GLRA3: variants seen among roughly 807,000 people sequenced by gnomAD.
GLRA3 encodes the protein glycine receptor alpha 3.
In GLRA3, 44 loss-of-function variants were observed where a neutral mutation model predicts 60.4. The observed-to-expected ratio is 0.73, with a 90% confidence interval of 0.57 to 0.94. The LOEUF (loss-of-function observed/expected upper bound fraction) is 0.94. Among genes scored for constraint, GLRA3 ranks in the 40% least tolerant of loss-of-function variants. The probability of loss-of-function intolerance (pLI) is 0.00; values close to 1 mark genes in which losing one functional copy is unlikely to be tolerated. For synonymous variants in GLRA3, 223 were observed against 192.9 expected (o/e 1.16, Z -1.29); for missense variants, 508 against 564.6 (o/e 0.90, Z 1.02).
rs10639932 is a variant in GLRA3 at position 174,721,007 on chromosome 4, T to TTGTGTGTGTG, written c.492-5447_492-5438dup. Among the ~76,000 whole-genome samples the TTGTGTGTGTG allele has an allele frequency of 4.5e-3, 640 of 141,540 alleles. 4 individuals carry two copies. The highest frequency in any genetic ancestry group is 9.0e-3 in the African/African-American group (354 of 39,224). 92.9% of individuals were successfully genotyped at this position (141,540 alleles called of 152,430 possible). Reference sequence around the variant, plus strand: ...TATGTTTTATAGAACTGTGTGAACTTTGTGTGTGTGTGTGTGTGTGTGTGT... The same window carrying TTGTGTGTGTG: ...TATGTTTTATAGAACTGTGTGAACTTTGTGTGTGTGTGTGTGTGTGTGTGTGTGTGTGTGT... On this transcript the variant is annotated intron_variant, in intron 4 of 9. Transcript: ENST00000274093.
rs191180030 is a variant in GLRA3 at position 174,696,703 on chromosome 4, A to C, written c.575-13764T>G. 1.3e-4 allele frequency among the ~76,000 whole-genome samples: 20 copies of C among 152,132 alleles called. No individual in the cohort carries two copies. In the East Asian group the frequency reaches 3.5e-3, roughly 26 times the overall value. On this transcript the variant is annotated intron_variant, in intron 5 of 9. Coordinates refer to ENST00000274093, the MANE Select transcript of GLRA3 (RefSeq NM_006529.4). ...AATGTTAATATGAGCTTGGTACAAAAATGTTTTTAAATTTACTGTATTTTT... is the reference window on the plus strand; with the variant it reads ...AATGTTAATATGAGCTTGGTACAAACATGTTTTTAAATTTACTGTATTTTT...
chr4:174,686,003 T>A (rs1238315105), intron 5 of GLRA3, among the ~76,000 whole-genome samples: 1 of 152,238 alleles, frequency 6.6e-6, no homozygotes, highest in African/African-American at 2.4e-5. Flanking sequence ...TAGTGGCTAA[T>A]ACAATTTATA....
chr4:174,651,839 G>T (rs899963825), intron 9 of GLRA3, among the ~76,000 whole-genome samples: 2 of 152,040 alleles, frequency 1.3e-5, no homozygotes, highest in Non-Finnish European at 2.9e-5. Context: ...AAAGAGTGCA[G>T]ATCATTTTGA....
chr4:174,728,341 T>A (rs1032672635), intron 4 of GLRA3, 134 bp downstream of exon 4: 4 of 576,476 alleles, frequency 6.9e-6, no homozygotes, highest in African/African-American at 5.6e-5. Flanking sequence ...TGGGAAACAG[T>A]CTATTAGAGG....
chr4:174,773,419 T>C (rs6836421), intron 2 of GLRA3, among the ~76,000 whole-genome samples: 111,373 of 151,516 alleles, frequency 0.74, 41,266 homozygotes, highest in East Asian at 1. Context: ...ATTATTGTTA[T>C]TCATATTGGG....
intron 5 of GLRA3, among the ~76,000 whole-genome samples, chr4:174,687,075 C>T (rs142611288): frequency 3.9e-5 from 6 of 152,158 alleles, no homozygotes; most frequent in African/African-American, 1.4e-4. Flanking sequence ...TCAACATTTG[C>T]CCTGATGTTG....
At chr4:174,680,638 A>G in intron 6 of GLRA3, among the ~76,000 whole-genome samples, 1 of 152,168 alleles carries the variant, frequency 6.6e-6, no homozygotes, top group East Asian at 1.9e-4. Flanking sequence ...GTGGCAGGGT[A>G]TTACGGAGCA....
chr4:174,677,918 A>G (rs1180156723), intron 6 of GLRA3, among the ~76,000 whole-genome samples: 2 of 152,178 alleles, frequency 1.3e-5, no homozygotes, highest in African/African-American at 2.4e-5. Flanking sequence ...GGAGAAATAT[A>G]TACTTATTAT....
At chr4:174,789,083 TATA>T (rs1739230374) in intron 1 of GLRA3, 140 bp from the exon 2 acceptor site, 1 of 511,350 alleles carries the variant, frequency 2.0e-6, no homozygotes, top group Admixed American at 3.8e-5. Flanking sequence ...CAGTGAAGAT[TATA>T]ATAAGATAGA....
chr4:174,751,782 G>A, intron 3 of GLRA3, among the ~76,000 whole-genome samples: 1 of 151,864 alleles, frequency 6.6e-6, no homozygotes, highest in Admixed American at 6.6e-5. Flanking sequence ...GTTCCTGAGG[G>A]AGCAAAAATT....
At chr4:174,705,866 G>A (rs190001528) in intron 5 of GLRA3, among the ~76,000 whole-genome samples, 34 of 152,056 alleles carry the variant, frequency 2.2e-4, no homozygotes, top group Admixed American at 1.9e-3. Context: ...CAATACAAAC[G>A]TTATCAGAAA....
At chr4:174,697,848 G>C (rs1003156288) in intron 5 of GLRA3, among the ~76,000 whole-genome samples, 2 of 152,188 alleles carry the variant, frequency 1.3e-5, no homozygotes, top group Non-Finnish European at 2.9e-5. Flanking sequence ...AGAAATTTCA[G>C]TGAAAATCAG....
intron 5 of GLRA3, among the ~76,000 whole-genome samples, chr4:174,710,260 T>C (rs72706190): frequency 0.018 from 2,711 of 152,186 alleles, 37 homozygotes; most frequent in Non-Finnish European, 0.029. Context: ...TCTATATTTG[T>C]ACAAACATTC....
chr4:174,758,575 C>T (rs951591525), intron 3 of GLRA3, among the ~76,000 whole-genome samples: 5 of 151,882 alleles, frequency 3.3e-5, no homozygotes, highest in South Asian at 2.1e-4. Flanking sequence ...GATAGGATAA[C>T]GGGACAGAAA....
intron 3 of GLRA3, among the ~76,000 whole-genome samples, chr4:174,755,970 C>T (rs1023158781): frequency 6.6e-6 from 1 of 152,080 alleles, no homozygotes; most frequent in Admixed American, 6.5e-5. Flanking sequence ...GACTTCTCAT[C>T]TTGCAAGATA....
intron 1 of GLRA3, among the ~76,000 whole-genome samples, chr4:174,799,013 C>T (rs557600623): frequency 2.0e-5 from 3 of 152,134 alleles, no homozygotes; most frequent in East Asian, 3.9e-4. Context: ...TGATTCTTGT[C>T]ACTGTCAGCA....
Position 174,643,754 on chromosome 4 carries a change from T to C in GLRA3, c.*32A>G. The C allele has an allele frequency of 6.3e-7, 1 of 1,598,662 alleles. No individual in the cohort carries two copies. The highest frequency in any genetic ancestry group is 8.5e-7 in the Non-Finnish European group (1 of 1,171,340). ...TATGGCAGAGACACTTTCTTCTGAA[T>C]TGACCATTTGCATTTGCATGCCCCC... is the stretch of plus-strand genomic sequence containing the variant. On this transcript the variant is annotated 3_prime_UTR_variant, in exon 10 of 10. Coordinates refer to ENST00000274093, the MANE Select transcript of GLRA3 (RefSeq NM_006529.4).
chr4:174,699,289 A>C (rs1735204294), intron 5 of GLRA3, among the ~76,000 whole-genome samples: 1 of 152,226 alleles, frequency 6.6e-6, no homozygotes, highest in Non-Finnish European at 1.5e-5. Context: ...AGCATGAGCC[A>C]CCATGTCTGG....
chr4:174,686,196 G>T (rs1257532369), intron 5 of GLRA3, among the ~76,000 whole-genome samples: 2 of 152,176 alleles, frequency 1.3e-5, no homozygotes, highest in South Asian at 4.1e-4. Context: ...CTTACTGGTT[G>T]TTAATGATAA....
Sources: gnomAD v4.1 joint callset for allele counts (sites outside exome capture counted in the v4.1 genomes callset) on GRCh38, gnomAD v4.1.1 for gene constraint, MANE v1.5 for transcripts, NCBI Gene and HGNC (gene_info 2026-07-23, HGNC 2026-07-21) for gene names.